Variants in PHKB observed in about 807,000 individuals in gnomAD.
The protein encoded by PHKB is phosphorylase kinase regulatory subunit beta.
PHKB carries 122 observed loss-of-function variants against 152.1 expected under a neutral mutation model. That is an observed-to-expected ratio of 0.80 (90% CI 0.69 to 0.93). The LOEUF is 0.93. Ranked by LOEUF, PHKB falls within the 40% of genes least tolerant of loss-of-function variation. The pLI is 0.00. For missense variants in PHKB, 1,304 were observed against 1,328.4 expected, an observed-to-expected ratio of 0.98 and a Z score of 0.29; for synonymous variants, 436 against 464.9, an observed-to-expected ratio of 0.94 and a Z score of 0.80.
At chr16:47,483,099 C>T (rs566788246) in intron 1 of PHKB, among the ~76,000 whole-genome samples, 12 of 121,970 alleles carry the variant, frequency 9.8e-5, no homozygotes, top group African/African-American at 2.8e-4. Context: ...AGTGCAGTGG[C>T]GTGATCTCAG....
intron 6 of PHKB, among the ~76,000 whole-genome samples, chr16:47,536,985 T>G (rs1970963170): frequency 6.6e-6 from 1 of 152,340 alleles, no homozygotes; most frequent in African/African-American, 2.4e-5. Flanking sequence ...CCAGCCCAAT[T>G]AGAACCCAGG....
intron 14 of PHKB, among the ~76,000 whole-genome samples, chr16:47,611,555 G>C (rs528562280): frequency 2.6e-5 from 4 of 152,050 alleles, no homozygotes; most frequent in Admixed American, 2.6e-4. Context: ...TGTGTGCCTG[G>C]GATTCTAAGC....
intron 12 of PHKB, among the ~76,000 whole-genome samples, chr16:47,595,359 A>T (rs573879573): frequency 6.6e-6 from 1 of 152,328 alleles, no homozygotes; most frequent in East Asian, 1.9e-4. Flanking sequence ...GTGCAATTTC[A>T]TTAGAAAAAT....
intron 1 of PHKB, among the ~76,000 whole-genome samples, chr16:47,477,147 C>T (rs1045813088): frequency 6.6e-6 from 1 of 152,180 alleles, no homozygotes; most frequent in East Asian, 1.9e-4. Context: ...TGACAACTCC[C>T]TTCTCTGCAT....
chr16:47,599,410 C>T (rs1972181309), intron 13 of PHKB, among the ~76,000 whole-genome samples: 1 of 151,976 alleles, frequency 6.6e-6, no homozygotes, highest in South Asian at 2.1e-4. Context: ...ATTGACAAGG[C>T]TAGTGAATTG....
chr16:47,474,769 G>A (rs1040171615), intron 1 of PHKB, among the ~76,000 whole-genome samples: 1 of 150,708 alleles, frequency 6.6e-6, no homozygotes, highest in African/African-American at 2.4e-5. Context: ...TTGTTGCTCA[G>A]GCTAGAGTGC....
At position 47,649,208 on chromosome 16, in the gene PHKB, G is replaced by C. The variant is rs1408220725; in HGVS notation, c.1797+4G>C. ...CCTGCTGATAGATGACATAAAGGTA[G>C]CTTCGGAACACCTTTCTTAAAAATG... On this transcript the variant is annotated splice_donor_region_variant and intron_variant, in intron 18 of 30. Coordinates refer to ENST00000323584, the MANE Select transcript of PHKB (RefSeq NM_000293.3). 9.1e-6 allele frequency: 13 copies of C among 1,433,970 alleles called. No individual in the cohort carries two copies. The highest frequency in any genetic ancestry group is 1.3e-5 in the Non-Finnish European group (13 of 1,015,738). The allele number at this position is 1,433,970 out of a possible 1,614,324, so 88.8% of individuals were successfully genotyped here. A position where few individuals can be genotyped will look rare whatever the true frequency, so the allele number is the denominator to read the frequency against.
chr16:47,501,282 G>T (rs1396908483), intron 3 of PHKB, among the ~76,000 whole-genome samples: 1 of 152,102 alleles, frequency 6.6e-6, no homozygotes, highest in Non-Finnish European at 1.5e-5. Context: ...AACTTGCCTG[G>T]ACTCTTTAAA....
intron 16 of PHKB, among the ~76,000 whole-genome samples, chr16:47,647,095 TTTTA>T (rs530693202): frequency 5.9e-5 from 9 of 152,034 alleles, no homozygotes; most frequent in East Asian, 1.9e-4. Context: ...CCCCCTCAGT[TTTTA>T]TTTATTTATT....
At chr16:47,621,609 C>T (rs970996300) in intron 14 of PHKB, among the ~76,000 whole-genome samples, 1 of 152,186 alleles carries the variant, frequency 6.6e-6, no homozygotes, top group Non-Finnish European at 1.5e-5. Context: ...ACAACAACTT[C>T]ACTAGCTTGG....
At chr16:47,528,696 C>CTTTTT (rs11450311) in intron 6 of PHKB, among the ~76,000 whole-genome samples, 12 of 137,388 alleles carry the variant, frequency 8.7e-5, no homozygotes, top group Non-Finnish European at 9.3e-5. Context: ...AGGACTTTTT[C>CTTTTT]TTTTTTTTTT....
chr16:47,670,778 C>T (rs1363281071), intron 26 of PHKB, among the ~76,000 whole-genome samples: 1 of 152,180 alleles, frequency 6.6e-6, no homozygotes, highest in Non-Finnish European at 1.5e-5. Flanking sequence ...GTGTGAGCCA[C>T]CTCACCTGGC....
In PHKB at chr16:47,546,462, A is replaced by C. The variant is rs750012398; in HGVS notation, c.595-971A>C. On this transcript the variant is annotated intron_variant, in intron 6 of 30. Transcript: ENST00000323584. ...GCAGAACAACAAATACTGCTGCCTGAACCTTCCTCTGGAAGCTTTGACTCA... is the reference window on the plus strand; with the variant it reads ...GCAGAACAACAAATACTGCTGCCTGCACCTTCCTCTGGAAGCTTTGACTCA... Among the ~76,000 whole-genome samples the C allele has an allele frequency of 3.9e-5, 6 of 152,224 alleles. No homozygotes were observed. The South Asian group carries it at 1.2e-3, about 32-fold the overall frequency.
At chr16:47,613,765 A>G (rs1597124757) in intron 14 of PHKB, among the ~76,000 whole-genome samples, 1 of 151,988 alleles carries the variant, frequency 6.6e-6, no homozygotes, top group Non-Finnish European at 1.5e-5. Flanking sequence ...AATCATACCC[A>G]CTTCCTTCAC....
At chr16:47,692,496 A>C (rs200013886) in intron 27 of PHKB, among the ~76,000 whole-genome samples, 3 of 152,074 alleles carry the variant, frequency 2.0e-5, no homozygotes, top group Non-Finnish European at 4.4e-5. Context: ...CATGTCTGTA[A>C]TCTTAGCCAC....
chr16:47,480,354 T>C (rs1969943119), intron 1 of PHKB, among the ~76,000 whole-genome samples: 1 of 152,196 alleles, frequency 6.6e-6, no homozygotes, highest in Non-Finnish European at 1.5e-5. Context: ...GCTGGTGGGA[T>C]TGGGTTCCTT....
chr16:47,567,791 A>C (rs999438698), intron 7 of PHKB, among the ~76,000 whole-genome samples: 10 of 152,184 alleles, frequency 6.6e-5, no homozygotes, highest in Non-Finnish European at 1.2e-4. Context: ...CATCTTTTAA[A>C]ATAATCGTAT....
intron 24 of PHKB, chr16:47,664,168 G>A (rs1973495317): frequency 6.0e-6 from 1 of 165,938 alleles, no homozygotes; most frequent in East Asian, 1.7e-4. Context: ...CCCAGTGATT[G>A]TAGTTGCTTC....
chr16:47,565,064 G>A lies in PHKB; in HGVS notation c.711-15231G>A. On this transcript the variant is annotated intron_variant, in intron 7 of 30. Coordinates refer to ENST00000323584, the MANE Select transcript of PHKB (RefSeq NM_000293.3). ...CAGGGTGCAGAGAAAGTAGGAGAAA[G>A]CACAGGATGTTGAGGTCTATTTGGT... 3 of 448,316 alleles carry A rather than the reference G, an allele frequency of 6.7e-6. No homozygotes were observed. The Admixed American group carries it at 7.7e-5, about 12-fold the overall frequency. 27.8% of individuals were successfully genotyped at this position (448,316 alleles called of 1,614,324 possible).
Sources: allele counts gnomAD v4.1 joint callset (sites outside exome capture counted in the v4.1 genomes callset), GRCh38; gene constraint gnomAD v4.1.1; transcripts MANE v1.5; gene names NCBI Gene and HGNC (gene_info 2026-07-23, HGNC 2026-07-21).